Variants in AGPS observed in about 807,000 individuals in gnomAD.
AGPS encodes alkyldihydroxyacetonephosphate synthase, peroxisomal.
Under a neutral mutation model 90.7 loss-of-function variants are expected in AGPS, and 26 were observed. The ratio of observed to expected loss-of-function variants is 0.29; its 90% CI spans 0.21 to 0.40. The LOEUF is 0.40. AGPS is among the 10% of genes least tolerant of loss of function. The pLI is 1.00. For synonymous variants in AGPS, 294 were observed against 285.3 expected (o/e 1.03, Z -0.31); for missense variants, 540 against 816.1 (o/e 0.66, Z 4.12).
chr2:177,424,469 T>C (rs1301300088), intron 2 of AGPS, among the ~76,000 whole-genome samples: 1 of 152,014 alleles, frequency 6.6e-6, no homozygotes, highest in Non-Finnish European at 1.5e-5. Context: ...TTTTTGCCTG[T>C]ACAACTATTT....
intron 1 of AGPS, among the ~76,000 whole-genome samples, chr2:177,402,323 A>G (rs1685352744): frequency 6.6e-6 from 1 of 152,234 alleles, no homozygotes; most frequent in Non-Finnish European, 1.5e-5. Context: ...GTGGCATATC[A>G]GGAAAGCCAC....
At chr2:177,494,388 A>G (rs1025592994) in intron 12 of AGPS, among the ~76,000 whole-genome samples, 4 of 152,232 alleles carry the variant, frequency 2.6e-5, no homozygotes, top group Non-Finnish European at 4.4e-5. Flanking sequence ...AATATGTTCT[A>G]TAAGTAATGA....
chr2:177,490,448 A>G (rs951154114), intron 11 of AGPS, among the ~76,000 whole-genome samples: 7 of 152,214 alleles, frequency 4.6e-5, no homozygotes, highest in Non-Finnish European at 1.0e-4. Context: ...AGATAATTTC[A>G]AAAAAGTCCA....
intron 8 of AGPS, among the ~76,000 whole-genome samples, chr2:177,454,638 A>G (rs1367531067): frequency 1.3e-5 from 2 of 150,096 alleles, no homozygotes; most frequent in Non-Finnish European, 3.0e-5. Flanking sequence ...TTTGAATGGT[A>G]ATTTTTGATT....
chr2:177,482,791 A>AT (rs35991309), intron 11 of AGPS, among the ~76,000 whole-genome samples: 14 of 151,938 alleles, frequency 9.2e-5, no homozygotes, highest in Admixed American at 1.3e-4. Context: ...TATTATTAAG[A>AT]TTTTTTTTAA....
chr2:177,436,700 C>G (rs3754989), intron 3 of AGPS, 64 bp from the exon 4 acceptor site: 1 of 1,528,690 alleles, frequency 6.5e-7, no homozygotes, highest in Non-Finnish European at 9.0e-7. Flanking sequence ...GTCATTCTCT[C>G]TAACTGAAGT....
chr2:177,486,907 T>C (rs966065074), intron 11 of AGPS, among the ~76,000 whole-genome samples: 3 of 151,672 alleles, frequency 2.0e-5, no homozygotes, highest in Non-Finnish European at 2.9e-5. Context: ...GGAAGATTAA[T>C]GTGATTCTTT....
chr2:177,484,832 A>G (rs557517188), intron 11 of AGPS, among the ~76,000 whole-genome samples: 2 of 152,294 alleles, frequency 1.3e-5, no homozygotes, highest in African/African-American at 4.8e-5. Flanking sequence ...GCACAATCAC[A>G]GCTCAACGCA....
rs56860445 is a variant in AGPS, at chr2:177,405,673, G to GTTTTTTTTTT, written c.260+12630_260+12639dup. On this transcript the variant is annotated intron_variant, in intron 1 of 19. Coordinates refer to ENST00000264167, the MANE Select transcript of AGPS (RefSeq NM_003659.4). ...TTCCATGTTATTGCACTATTCTGTT[G>GTTTTTTTTTT]TTTTTTTTTTTTTTTCCCACCTTCC... Among the ~76,000 whole-genome samples, 2 of 144,908 alleles carry GTTTTTTTTTT rather than the reference G, an allele frequency of 1.4e-5. 1 individual carries two copies. Among genetic ancestry groups the GTTTTTTTTTT allele is most frequent in the Non-Finnish European group, 3.0e-5 (2 of 66,492 alleles).
chr2:177,414,818 A>G (rs1031626079), intron 1 of AGPS, among the ~76,000 whole-genome samples: 8 of 151,276 alleles, frequency 5.3e-5, no homozygotes, highest in Non-Finnish European at 8.8e-5. Flanking sequence ...AATGTATGGT[A>G]TTTGTGTGAG....
At chr2:177,460,831 A>G (rs1025009915) in intron 8 of AGPS, among the ~76,000 whole-genome samples, 2 of 152,228 alleles carry the variant, frequency 1.3e-5, no homozygotes, top group African/African-American at 2.4e-5. Flanking sequence ...TATTTAGTGG[A>G]GAAACTTTTA....
chr2:177,435,271 A>C (rs961386205), intron 3 of AGPS, among the ~76,000 whole-genome samples: 1 of 151,800 alleles, frequency 6.6e-6, no homozygotes, highest in African/African-American at 2.4e-5. Flanking sequence ...TGTTGGGTTT[A>C]TTTAAAAATC....
intron 1 of AGPS, chr2:177,393,436 G>T: frequency 3.0e-6 from 3 of 985,426 alleles, no homozygotes; most frequent in Non-Finnish European, 3.6e-6. Context: ...ATATAAATTT[G>T]TACTAGATGA....
Position 177,392,821 on chromosome 2 carries a change from C to T in AGPS, c.32C>T (p.Thr11Ile). The stretch of plus-strand genomic sequence containing the variant: ...GAGGCGGCGGCTGCAGCGGGTGGGA[C>T]TGGCTTGGGCGCGGGCGCGAGCTAC... MAEAAAAAGG[T>I]GLGAGASYGS... The change falls in exon 1 of 20, where the codon ACT becomes ATT. Residue 11 changes from threonine to isoleucine, a missense_variant. Thr to Ile is a moderately conservative substitution (Grantham distance 89). Around this residue, in one of 2 missense-constraint regions of AGPS, gnomAD observed 135 missense variants for 124.0 expected, o/e 1.09. Coordinates refer to ENST00000264167, the MANE Select transcript of AGPS (RefSeq NM_003659.4). 1 of 1,544,696 alleles carries T rather than the reference C, an allele frequency of 6.5e-7. No individual in the cohort carries two copies. Among genetic ancestry groups the T allele is most frequent in the Non-Finnish European group, 8.7e-7 (1 of 1,153,276 alleles).
chr2:177,448,714 T>C (rs1413442721), intron 8 of AGPS, among the ~76,000 whole-genome samples: 2 of 152,170 alleles, frequency 1.3e-5, no homozygotes, highest in Non-Finnish European at 1.5e-5. Flanking sequence ...ATTTAATGTG[T>C]ACAATTTGAT....
At chr2:177,405,748 A>C (rs545204217) in intron 1 of AGPS, among the ~76,000 whole-genome samples, 17 of 151,654 alleles carry the variant, frequency 1.1e-4, no homozygotes, top group Admixed American at 3.3e-4. Context: ...CTAAGCTTAA[A>C]AATCCCTAAG....
At chr2:177,521,845 G>C (rs1219622459) in intron 18 of AGPS, among the ~76,000 whole-genome samples, 1 of 152,188 alleles carries the variant, frequency 6.6e-6, no homozygotes, top group Non-Finnish European at 1.5e-5. Context: ...TTCTTAAAGA[G>C]TGTCAAACTG....
At chr2:177,431,475 G>A (rs1361176677) in intron 2 of AGPS, among the ~76,000 whole-genome samples, 1 of 152,122 alleles carries the variant, frequency 6.6e-6, no homozygotes, top group African/African-American at 2.4e-5. Context: ...TACCAGAGCG[G>A]GATCTTTTCC....
At position 177,410,596 on chromosome 2, in the gene AGPS, C is replaced by T. The variant is rs1251061219; in HGVS notation, c.261-9673C>T. ...TGTGAAAAGAGTAAAGTTCCCCAGTCACAACTTAGTGGCTGGGAGAAGTAT... is the reference window on the plus strand; with the variant it reads ...TGTGAAAAGAGTAAAGTTCCCCAGTTACAACTTAGTGGCTGGGAGAAGTAT... On this transcript the variant is annotated intron_variant, in intron 1 of 19. Coordinates refer to ENST00000264167, the MANE Select transcript of AGPS (RefSeq NM_003659.4). Among the ~76,000 whole-genome samples the T allele has an allele frequency of 3.3e-5, 5 of 152,282 alleles. No individual in the cohort carries two copies. The East Asian group carries it at 9.7e-4, about 29-fold the overall frequency.
Sources: allele counts gnomAD v4.1 joint callset (sites outside exome capture counted in the v4.1 genomes callset), GRCh38; gene constraint gnomAD v4.1.1; regional missense constraint gnomAD v4.1.1; transcripts MANE v1.5; gene names NCBI Gene and HGNC (gene_info 2026-07-23, HGNC 2026-07-21).